The following ITPK1 variants were observed in gnomAD, a reference collection of about 807,000 sequenced individuals.
ITPK1 encodes the protein inositol-tetrakisphosphate 1-kinase, also known as inositol 1,3,4-trisphosphate 5/6-kinase.
Under a neutral mutation model 45.3 loss-of-function variants are expected in ITPK1, and 21 were observed. The ratio of observed to expected loss-of-function variants is 0.46; its 90% CI spans 0.33 to 0.67. The LOEUF is 0.67. Ranked by LOEUF, ITPK1 falls within the 30% of genes least tolerant of loss-of-function variation. The pLI, the probability that ITPK1 is intolerant of heterozygous loss-of-function variation, is 0.02. For synonymous variants in ITPK1, 258 were observed against 253.6 expected (o/e 1.02, Z -0.16); for missense variants, 474 against 573.5 (o/e 0.83, Z 1.77).
intron 3 of ITPK1, among the ~76,000 whole-genome samples, chr14:93,046,848 GT>G (rs1413835455): frequency 1.3e-5 from 2 of 152,186 alleles, no homozygotes; most frequent in East Asian, 3.9e-4. Flanking sequence ...GCTCTGCTCG[GT>G]GGAACTCCCA....
intron 2 of ITPK1, among the ~76,000 whole-genome samples, chr14:93,097,316 G>C (rs1892118063): frequency 6.6e-6 from 1 of 152,200 alleles, no homozygotes; most frequent in Non-Finnish European, 1.5e-5. Context: ...CCAACAAACT[G>C]TAGAGACACA....
intron 5 of ITPK1, among the ~76,000 whole-genome samples, chr14:92,969,489 C>T (rs1181097405): frequency 6.6e-6 from 1 of 152,140 alleles, no homozygotes; most frequent in Admixed American, 6.5e-5. Context: ...TGAGAACGCT[C>T]CAGCTGAGTG....
chr14:92,959,152 G>T (rs1469951827), intron 7 of ITPK1, among the ~76,000 whole-genome samples: 1 of 152,210 alleles, frequency 6.6e-6, no homozygotes, highest in African/African-American at 2.4e-5. Flanking sequence ...GTGCAGGGGG[G>T]CAGCTGCCAA....
intron 3 of ITPK1, chr14:93,066,080 C>T (rs1277362402): frequency 3.2e-6 from 1 of 308,538 alleles, no homozygotes; most frequent in African/African-American, 2.2e-5. Flanking sequence ...GTACATATTA[C>T]TTAATGAGCA....
At chr14:93,095,238 G>A (rs1389669964) in intron 2 of ITPK1, among the ~76,000 whole-genome samples, 3 of 152,232 alleles carry the variant, frequency 2.0e-5, no homozygotes, top group Non-Finnish European at 2.9e-5. Flanking sequence ...TGGGGCCTAC[G>A]ATGAGTTATT....
intron 3 of ITPK1, among the ~76,000 whole-genome samples, chr14:93,029,834 G>A (rs1303878590): frequency 6.6e-6 from 1 of 152,170 alleles, no homozygotes; most frequent in African/African-American, 2.4e-5. Flanking sequence ...CCAAGAGAGT[G>A]GACAAGGCAA....
At position 92,941,573 on chromosome 14, in the gene ITPK1, G is replaced by C. The variant is rs371431254; in HGVS notation, c.1233C>G (p.Ala411=). ...QHCVASLATK[A]SSQ is the part of the protein sequence containing the mutation. ...CCCGGCTCCGTGGCTACTGGGAGGA[G>C]GCCTTGGTGGCCAGGGAGGCCACAC... Residue 411 remains alanine, a synonymous_variant, in exon 11 of 11, where the codon GCC becomes GCG. Coordinates refer to ENST00000267615, the MANE Select transcript of ITPK1 (RefSeq NM_014216.6). 1 of 1,535,732 alleles carries C rather than the reference G, an allele frequency of 6.5e-7. No homozygotes were observed. Among genetic ancestry groups the C allele is most frequent in the Admixed American group, 2.1e-5 (1 of 48,494 alleles).
At chr14:92,980,453 AG>A (rs536493875) in intron 5 of ITPK1, among the ~76,000 whole-genome samples, 151 of 152,310 alleles carry the variant, frequency 9.9e-4, no homozygotes, top group African/African-American at 3.4e-3. Context: ...CCCCAAAACA[AG>A]AAAGGCTCTC....
At chr14:93,011,169 G>C (rs183324262) in intron 4 of ITPK1, among the ~76,000 whole-genome samples, 2 of 152,244 alleles carry the variant, frequency 1.3e-5, no homozygotes, top group Admixed American at 1.3e-4. Context: ...CAGACACTGA[G>C]AGCCAGCATA....
At chr14:93,021,397 GCCTGGCCAACATGGTGAAAC>G (rs1677105901) in intron 3 of ITPK1, among the ~76,000 whole-genome samples, 1 of 152,106 alleles carries the variant, frequency 6.6e-6, no homozygotes, top group South Asian at 2.1e-4. Flanking sequence ...TTTAAGACCA[GCCTGGCCAACATGGTGAAAC>G]CCTGTCTCTA....
Position 92,941,066 on chromosome 14 carries a change from G to A in ITPK1, c.*495C>T. On this transcript the variant is annotated 3_prime_UTR_variant, in exon 11 of 11. Coordinates refer to ENST00000267615, the MANE Select transcript of ITPK1 (RefSeq NM_014216.6). ...GCTAACAAAGCCTTGGTGGAGACCA[G>A]TAGGAGGAAAAACAAGGAAGGGGCA... The A allele has an allele frequency of 8.3e-7, 1 of 1,205,126 alleles. No individual in the cohort carries two copies. Among genetic ancestry groups the A allele is most frequent in the Non-Finnish European group, 1.1e-6 (1 of 949,810 alleles). 74.7% of individuals were successfully genotyped at this position (1,205,126 alleles called of 1,614,324 possible). A position where few individuals can be genotyped will look rare whatever the true frequency, so the allele number is the denominator to read the frequency against.
chr14:93,040,143 C>T (rs764182277), intron 3 of ITPK1, among the ~76,000 whole-genome samples: 6 of 152,242 alleles, frequency 3.9e-5, no homozygotes, highest in Non-Finnish European at 7.3e-5. Flanking sequence ...CATATCCACA[C>T]GTCTGGCAGG....
intron 2 of ITPK1, among the ~76,000 whole-genome samples, chr14:93,084,832 A>G (rs1448936971): frequency 6.6e-6 from 1 of 152,060 alleles, no homozygotes; most frequent in African/African-American, 2.4e-5. Flanking sequence ...CCTGCCAGGC[A>G]CCCTTCCTCA....
At chr14:93,101,087 T>C (rs1892298979) in intron 2 of ITPK1, among the ~76,000 whole-genome samples, 1 of 152,144 alleles carries the variant, frequency 6.6e-6, no homozygotes, top group Non-Finnish European at 1.5e-5. Context: ...TCAACAAAAA[T>C]AACTCATCCT....
rs963684408 is a variant in ITPK1, at chr14:93,066,299, C to T, written c.120+10296G>A. 46 of 451,704 alleles carry T rather than the reference C, an allele frequency of 1.0e-4. 1 individual carries two copies. The highest frequency in any genetic ancestry group is 2.8e-4 in the East Asian group (4 of 14,294). 28.0% of individuals were successfully genotyped at this position (451,704 alleles called of 1,614,324 possible). On this transcript the variant is annotated intron_variant, in intron 3 of 10. Coordinates refer to ENST00000267615, the MANE Select transcript of ITPK1 (RefSeq NM_014216.6). Reference sequence around the variant, plus strand: ...TCAGCTTGGTGTGCGTGCGTGTGTGCGCGTGCATGTGTGTGTGTGTATGTG... The same window carrying T: ...TCAGCTTGGTGTGCGTGCGTGTGTGTGCGTGCATGTGTGTGTGTGTATGTG...
intron 2 of ITPK1, among the ~76,000 whole-genome samples, chr14:93,098,688 T>TCCCAG (rs1231941024): frequency 1.3e-5 from 2 of 152,020 alleles, no homozygotes; most frequent in East Asian, 3.9e-4. Context: ...AAAGCAGGGG[T>TCCCAG]CTGAGCGCTG....
At chr14:93,099,287 G>A (rs1892215883) in intron 2 of ITPK1, among the ~76,000 whole-genome samples, 1 of 152,072 alleles carries the variant, frequency 6.6e-6, no homozygotes, top group Non-Finnish European at 1.5e-5. Context: ...GCTGCTCCAG[G>A]CTCTCAGAAT....
rs544571053 is a variant in ITPK1 at position 93,020,043 on chromosome 14, G to A, written c.121-3242C>T. On this transcript the variant is annotated intron_variant, in intron 3 of 10. Coordinates refer to ENST00000267615, the MANE Select transcript of ITPK1 (RefSeq NM_014216.6). ...GGGGCCTGAGGTCTGTGGGCACTCC[G>A]TTTCCAAGTCATGCCATCTCGCAGG... is the stretch of plus-strand genomic sequence containing the variant. 1.2e-3 allele frequency among the ~76,000 whole-genome samples: 186 copies of A among 152,302 alleles called. 1 individual carries two copies. Among genetic ancestry groups the A allele is most frequent in the African/African-American group, 4.3e-3 (177 of 41,570 alleles).
intron 2 of ITPK1, among the ~76,000 whole-genome samples, chr14:93,090,161 G>A (rs959152615): frequency 5.3e-5 from 8 of 151,710 alleles, no homozygotes; most frequent in African/African-American, 1.9e-4. Flanking sequence ...TGCAGCAGGT[G>A]CACACCTCCT....
Sources: allele counts gnomAD v4.1 joint callset (sites outside exome capture counted in the v4.1 genomes callset), GRCh38; gene constraint gnomAD v4.1.1; transcripts MANE v1.5; gene names NCBI Gene and HGNC (gene_info 2026-07-23, HGNC 2026-07-21).